ITGAE: variants seen among roughly 807,000 people sequenced by gnomAD.
ITGAE encodes the protein integrin alpha-E.
A neutral mutation model predicts 136.5 loss-of-function variants in ITGAE; 99 were observed. The observed-to-expected ratio is 0.73, with a 90% CI of 0.62 to 0.86. The LOEUF is 0.86. Ranked by LOEUF, ITGAE falls within the 40% of genes least tolerant of loss-of-function variation. ITGAE has a pLI of 0.00. For synonymous variants in ITGAE, 613 were observed against 591.8 expected, an observed-to-expected ratio of 1.04 and a Z score of -0.52; for missense variants, 1,447 against 1,515.3, an observed-to-expected ratio of 0.95 and a Z score of 0.75.
At chr17:3,735,246 C>T (rs1255544730) in intron 20 of ITGAE, among the ~76,000 whole-genome samples, 9 of 152,222 alleles carry the variant, frequency 5.9e-5, no homozygotes, top group African/African-American at 2.2e-4. Context: ...CGGCTCACTG[C>T]AACCTCCACC....
chr17:3,770,746 T>G (rs1394506352), intron 2 of ITGAE, among the ~76,000 whole-genome samples: 1 of 152,126 alleles, frequency 6.6e-6, no homozygotes, highest in Non-Finnish European at 1.5e-5. Context: ...CTTCAGCAGG[T>G]GTTCAGGGAG....
In ITGAE at chr17:3,762,658, C is replaced by T. The variant is rs570739051; in HGVS notation, c.248-676G>A. On this transcript the variant is annotated intron_variant, in intron 3 of 30. Coordinates refer to ENST00000263087, the MANE Select transcript of ITGAE (RefSeq NM_002208.5). Reference sequence around the variant, plus strand: ...TGTCGCCCAGGCTGGAGTGCAGTGGCGCAATCTCGGCTCACTGCAAGCTCC... The same window carrying T: ...TGTCGCCCAGGCTGGAGTGCAGTGGTGCAATCTCGGCTCACTGCAAGCTCC... 2.1e-4 allele frequency among the ~76,000 whole-genome samples: 28 copies of T among 131,994 alleles called. No homozygotes were observed. In the South Asian group the frequency reaches 3.2e-3, roughly 15 times the overall value. 86.6% of individuals were successfully genotyped at this position (131,994 alleles called of 152,430 possible). A position where few individuals can be genotyped will look rare whatever the true frequency, so the allele number is the denominator to read the frequency against.
At chr17:3,723,828 G>A in intron 26 of ITGAE, 84 bp from the exon 27 acceptor site, 3 of 1,556,800 alleles carry the variant, frequency 1.9e-6, no homozygotes, top group Non-Finnish European at 2.6e-6. Flanking sequence ...CCCTGGCGAG[G>A]TGCGCATGCG....
Position 3,734,856 on chromosome 17 carries a change from C to T in ITGAE, c.2616G>A (p.Leu872=), listed in dbSNP as rs759183137. The T allele has an allele frequency of 2.5e-6, 4 of 1,614,084 alleles. No homozygotes were observed. Among genetic ancestry groups the T allele is most frequent in the Admixed American group, 1.7e-5 (1 of 59,998 alleles). The change falls in exon 21 of 31, where the codon TTG becomes TTA. Residue 872 remains leucine, a synonymous_variant. Transcript: ENST00000263087. ...GEDSYMTSMA[L]NYPRNLQLKR... is the part of the protein sequence containing the mutation. Reference sequence around the variant, plus strand: ...TCAACTGCAGGTTTCTGGGGTAATTCAAGGCCATGCTTGTCATGTAGGAAT... The same window carrying T: ...TCAACTGCAGGTTTCTGGGGTAATTTAAGGCCATGCTTGTCATGTAGGAAT...
At chr17:3,753,461 G>T in intron 13 of ITGAE, 31 bp from the exon 14 acceptor site, 1 of 1,607,460 alleles carries the variant, frequency 6.2e-7, no homozygotes, top group South Asian at 1.1e-5. Context: ...AGCTCACCAG[G>T]AGCCCCGCTC....
At chr17:3,787,331 T>G (rs754297291) in intron 1 of ITGAE, among the ~76,000 whole-genome samples, 25 of 151,964 alleles carry the variant, frequency 1.6e-4, no homozygotes, top group Non-Finnish European at 2.6e-4. Context: ...AGGCTGGTCT[T>G]GAACTCCTGA....
At chr17:3,785,568 A>T (rs959718098) in intron 1 of ITGAE, among the ~76,000 whole-genome samples, 1 of 151,300 alleles carries the variant, frequency 6.6e-6, no homozygotes, top group Non-Finnish European at 1.5e-5. Flanking sequence ...AACTAGAAAA[A>T]TCTGAACCTC....
intron 2 of ITGAE, among the ~76,000 whole-genome samples, chr17:3,770,925 G>C (rs1316356587): frequency 6.6e-6 from 1 of 152,086 alleles, no homozygotes; most frequent in Non-Finnish European, 1.5e-5. Flanking sequence ...GAGGGAACTA[G>C]GCAGGAGACA....
intron 1 of ITGAE, among the ~76,000 whole-genome samples, chr17:3,791,154 C>CA (rs61179988): frequency 0.038 from 3,682 of 96,192 alleles, 92 homozygotes; most frequent in Non-Finnish European, 0.06. Flanking sequence ...GACTCTGTCT[C>CA]AAAAAAAAAA....
intron 21 of ITGAE, among the ~76,000 whole-genome samples, chr17:3,734,161 C>A (rs1253171829): frequency 6.6e-6 from 1 of 152,206 alleles, no homozygotes; most frequent in Non-Finnish European, 1.5e-5. Flanking sequence ...AGCTCCGCCT[C>A]CCGGGTTCAC....
chr17:3,772,117 T>C (rs1333618691), intron 2 of ITGAE, among the ~76,000 whole-genome samples: 1 of 152,192 alleles, frequency 6.6e-6, no homozygotes, highest in Non-Finnish European at 1.5e-5. Context: ...GATCAAGCTG[T>C]TCTCTGTGCC....
intron 16 of ITGAE, among the ~76,000 whole-genome samples, chr17:3,749,602 T>C (rs112809196): frequency 0.012 from 1,793 of 152,174 alleles, 31 homozygotes; most frequent in African/African-American, 0.039. Context: ...GAGCAGCAGC[T>C]CAGGGAGGTG....
At chr17:3,737,185 CA>C in intron 20 of ITGAE, among the ~76,000 whole-genome samples, 2 of 152,266 alleles carry the variant, frequency 1.3e-5, no homozygotes, top group East Asian at 3.9e-4. Context: ...CCCAGCTACA[CA>C]GGAGGCTGAG....
intron 1 of ITGAE, among the ~76,000 whole-genome samples, chr17:3,792,127 G>C (rs1291617250): frequency 6.6e-6 from 1 of 152,036 alleles, no homozygotes; most frequent in Non-Finnish European, 1.5e-5. Flanking sequence ...TTTTATTTAT[G>C]TATTTATTTT....
intron 1 of ITGAE, among the ~76,000 whole-genome samples, chr17:3,797,522 G>A (rs2053150632): frequency 2.1e-5 from 3 of 144,870 alleles, no homozygotes; most frequent in Non-Finnish European, 1.5e-5. Flanking sequence ...GTGCAGTGGT[G>A]TGATCTCAGC....
chr17:3,744,446 C>CTTT (rs34809324), intron 18 of ITGAE, among the ~76,000 whole-genome samples: 2 of 128,274 alleles, frequency 1.6e-5, no homozygotes, highest in East Asian at 2.2e-4. Flanking sequence ...AGTTCTTTCT[C>CTTT]TTTTTTTTTT....
At chr17:3,730,228 G>A (rs978930977) in intron 23 of ITGAE, among the ~76,000 whole-genome samples, 3 of 152,094 alleles carry the variant, frequency 2.0e-5, no homozygotes, top group African/African-American at 7.2e-5. Flanking sequence ...GGCCAAGGCT[G>A]GTGGATCACG....
In ITGAE at chr17:3,761,523, G is replaced by A; in HGVS notation, c.316-3C>T. 1 of 1,609,902 alleles carries A rather than the reference G, an allele frequency of 6.2e-7. No individual in the cohort carries two copies. Among genetic ancestry groups the A allele is most frequent in the Non-Finnish European group, 8.5e-7 (1 of 1,178,076 alleles). On this transcript the variant is annotated splice_polypyrimidine_tract_variant and splice_region_variant and intron_variant, in intron 4 of 30. Transcript: ENST00000263087. ...CGGACCAGCACTTGAATGCATATCTGTGGGAGGGAAGAGAGGGTGGGGAAA... is the reference window on the plus strand; with the variant it reads ...CGGACCAGCACTTGAATGCATATCTATGGGAGGGAAGAGAGGGTGGGGAAA...
intron 8 of ITGAE, among the ~76,000 whole-genome samples, chr17:3,759,056 C>CG (rs902119902): frequency 2.7e-5 from 4 of 148,522 alleles, no homozygotes; most frequent in African/African-American, 9.9e-5. Flanking sequence ...ACCTGGGAGG[C>CG]GGAGCTTGCA....
Sources: gnomAD v4.1 joint callset for allele counts (sites outside exome capture counted in the v4.1 genomes callset) on GRCh38, gnomAD v4.1.1 for gene constraint, MANE v1.5 for transcripts, NCBI Gene and HGNC (gene_info 2026-07-23, HGNC 2026-07-21) for gene names.